Variants in PIBF1 observed in about 807,000 individuals in gnomAD.
The protein encoded by PIBF1 is progesterone immunomodulatory binding factor 1, also known as progesterone-induced-blocking factor 1.
A neutral mutation model predicts 112.5 loss-of-function variants in PIBF1; 90 were observed. That is an observed-to-expected ratio of 0.80 (90% CI 0.67 to 0.95). The LOEUF is 0.95. Among genes scored for constraint, PIBF1 ranks in the 40% least tolerant of loss-of-function variants. PIBF1 has a pLI of 0.00. For missense variants in PIBF1, 915 were observed against 852.3 expected (o/e 1.07, Z -0.92); for synonymous variants, 301 against 288.6 (o/e 1.04, Z -0.44).
chr13:72,953,222 G>A (rs2042350100), intron 14 of PIBF1, among the ~76,000 whole-genome samples: 1 of 152,198 alleles, frequency 6.6e-6, no homozygotes, highest in South Asian at 2.1e-4. Flanking sequence ...GAATACTGAT[G>A]TTCCATGTAG....
intron 5 of PIBF1, among the ~76,000 whole-genome samples, chr13:72,807,574 CA>C (rs11363047): frequency 0.99 from 150,020 of 151,022 alleles, 74,520 homozygotes; most frequent in Middle Eastern, 1. Flanking sequence ...GAGTTTGTCT[CA>C]AAAAAAAAAA....
At chr13:72,838,525 G>A (rs1397594171) in intron 9 of PIBF1, among the ~76,000 whole-genome samples, 2 of 152,176 alleles carry the variant, frequency 1.3e-5, no homozygotes, top group African/African-American at 2.4e-5. Context: ...GTCCCTCATG[G>A]TCAGAACAAA....
intron 10 of PIBF1, among the ~76,000 whole-genome samples, chr13:72,873,635 C>T (rs1044793255): frequency 1.3e-5 from 2 of 152,072 alleles, no homozygotes; most frequent in Non-Finnish European, 2.9e-5. Flanking sequence ...TCAGGCACTC[C>T]ACCCACCTTA....
chr13:73,003,403 C>T (rs561424210), intron 17 of PIBF1, among the ~76,000 whole-genome samples: 1 of 152,144 alleles, frequency 6.6e-6, no homozygotes, highest in African/African-American at 2.4e-5. Flanking sequence ...CAGGCACATG[C>T]CACCATGCCC....
chr13:72,916,579 G>T (rs1296261110), intron 12 of PIBF1, among the ~76,000 whole-genome samples: 1 of 151,360 alleles, frequency 6.6e-6, no homozygotes, highest in Non-Finnish European at 1.5e-5. Context: ...AAAAAGTAAG[G>T]CCATCAATAC....
In PIBF1 at chr13:72,783,537, T is replaced by C. The variant is rs552307459; in HGVS notation, c.68T>C (p.Ile23Thr). The C allele has an allele frequency of 6.2e-6, 10 of 1,613,532 alleles. No homozygotes were observed. Among genetic ancestry groups the C allele is most frequent in the South Asian group, 1.1e-5 (1 of 91,076 alleles). The change falls in exon 2 of 18, where the codon ATT becomes ACT. Residue 23 changes from isoleucine (I) to threonine (T), a missense_variant. Physicochemically the swap from Ile to Thr is moderately conservative, Grantham distance 89. Transcript: ENST00000326291. ...TCTAGTTCTCTGGAATCTGAAGATA[T>C]TAGTTTAGAAACAACAGTTCCTACG... ...NISSSLESED[I>T]SLETTVPTDD...
At chr13:72,894,057 C>CAAAAAAAAAAAAAAAAAAAAAAAA (rs66856837) in intron 11 of PIBF1, 108 bp downstream of exon 11, 2 of 82,688 alleles carry the variant, frequency 2.4e-5, no homozygotes, top group Non-Finnish European at 2.2e-5. Flanking sequence ...CTATCCTGCA[C>CAAAAAAAAAAAAAAAAAAAAAAAA]AAAAAAAAAA....
At chr13:72,802,723 CA>C (rs2035544287) in intron 5 of PIBF1, among the ~76,000 whole-genome samples, 1 of 152,078 alleles carries the variant, frequency 6.6e-6, no homozygotes, top group Non-Finnish European at 1.5e-5. Context: ...TGTGGATATA[CA>C]GGTGTGAACT....
chr13:72,817,251 A>C (rs1355930459), intron 5 of PIBF1, among the ~76,000 whole-genome samples: 2 of 152,170 alleles, frequency 1.3e-5, no homozygotes, highest in Non-Finnish European at 2.9e-5. Context: ...TTCTCAGTTT[A>C]CATCATGGGA....
intron 13 of PIBF1, among the ~76,000 whole-genome samples, chr13:72,922,584 A>T (rs1282831004): frequency 1.3e-5 from 2 of 152,146 alleles, no homozygotes; most frequent in African/African-American, 4.8e-5. Context: ...AAACCTTTCA[A>T]ATTGTGAGAT....
intron 6 of PIBF1, among the ~76,000 whole-genome samples, chr13:72,825,829 G>A (rs898430729): frequency 6.6e-6 from 1 of 151,472 alleles, no homozygotes; most frequent in African/African-American, 2.4e-5. Flanking sequence ...GCTTTCAGAA[G>A]CACAGGCAGG....
At chr13:72,794,793 T>C (rs2035109156) in intron 3 of PIBF1, among the ~76,000 whole-genome samples, 2 of 152,242 alleles carry the variant, frequency 1.3e-5, no homozygotes, top group South Asian at 4.1e-4. Flanking sequence ...GTCTTGGGTA[T>C]GTCTTTATTA....
chr13:72,961,618 A>C (rs985050700), intron 14 of PIBF1, among the ~76,000 whole-genome samples: 3 of 152,108 alleles, frequency 2.0e-5, no homozygotes, highest in Non-Finnish European at 4.4e-5. Context: ...AATAGTTAGG[A>C]ATTCTGTCAT....
At position 72,908,538 on chromosome 13, in the gene PIBF1, C is replaced by T; in HGVS notation, c.1496C>T (p.Thr499Ile). Residue 499 changes from threonine to isoleucine, a missense_variant, in exon 12 of 18, where the codon ACC becomes ATC. Coordinates refer to ENST00000326291, the MANE Select transcript of PIBF1 (RefSeq NM_006346.4). ...EKYQKKLEVL[T>I]KEFYSLQASS... is the part of the protein sequence containing the mutation. ...CTTCTCTTTCACTATTAGGTTTTAA[C>T]CAAAGAATTTTATAGTCTCCAAGCC... is the stretch of plus-strand genomic sequence containing the variant. 1.9e-6 allele frequency: 3 copies of T among 1,598,914 alleles called. No individual in the cohort carries two copies. Among genetic ancestry groups the T allele is most frequent in the Non-Finnish European group, 2.6e-6 (3 of 1,173,830 alleles).
At chr13:72,923,833 G>A (rs1488836100) in intron 13 of PIBF1, among the ~76,000 whole-genome samples, 3 of 152,102 alleles carry the variant, frequency 2.0e-5, no homozygotes, top group Non-Finnish European at 2.9e-5. Context: ...GCATAGTGGT[G>A]GGCGCCTGTA....
At chr13:72,927,595 C>T (rs2041529583) in intron 13 of PIBF1, among the ~76,000 whole-genome samples, 1 of 152,026 alleles carries the variant, frequency 6.6e-6, no homozygotes, top group Non-Finnish European at 1.5e-5. Context: ...CCATGTTGGC[C>T]AGGCTGGTCT....
intron 13 of PIBF1, among the ~76,000 whole-genome samples, chr13:72,920,763 A>C (rs993798244): frequency 6.6e-6 from 1 of 151,942 alleles, no homozygotes; most frequent in Non-Finnish European, 1.5e-5. Flanking sequence ...TAGTCACTGC[A>C]CTCCAGTCTG....
intron 16 of PIBF1, among the ~76,000 whole-genome samples, chr13:72,985,821 A>G (rs1566519395): frequency 6.6e-6 from 1 of 152,050 alleles, no homozygotes; most frequent in Non-Finnish European, 1.5e-5. Context: ...AATCAACAAG[A>G]ATATGCAACA....
chr13:72,995,424 G>A (rs994471909), intron 16 of PIBF1, among the ~76,000 whole-genome samples: 3 of 151,924 alleles, frequency 2.0e-5, no homozygotes, highest in Admixed American at 6.6e-5. Flanking sequence ...AAAACAGTGC[G>A]ACATGGGTGC....
Sources: allele counts gnomAD v4.1 joint callset (sites outside exome capture counted in the v4.1 genomes callset), GRCh38; gene constraint gnomAD v4.1.1; transcripts MANE v1.5; gene names NCBI Gene and HGNC (gene_info 2026-07-23, HGNC 2026-07-21).